Variants in LRRC4C observed in about 807,000 individuals in gnomAD.
LRRC4C encodes leucine-rich repeat-containing protein 4C.
Under a neutral mutation model 33.6 loss-of-function variants are expected in LRRC4C, and 5 were observed. The observed-to-expected ratio is 0.15, with a 90% CI of 0.08 to 0.31. The LOEUF (loss-of-function observed/expected upper bound fraction) is 0.31, where lower values mean the gene tolerates loss of function less well. LRRC4C is among the 10% of genes least tolerant of loss of function. The pLI is 1.00. For missense variants in LRRC4C, 560 were observed against 796.7 expected (o/e 0.70, Z 3.58); for synonymous variants, 329 against 302.0 (o/e 1.09, Z -0.93).
intron 1 of LRRC4C, among the ~76,000 whole-genome samples, chr11:41,072,288 C>T (rs1383837180): frequency 4.8e-3 from 3 of 624 alleles, no homozygotes; most frequent in African/African-American, 5.3e-3. Context: ...ACATTGAAGA[C>T]CCTCCACTGG....
intron 1 of LRRC4C, among the ~76,000 whole-genome samples, chr11:41,226,046 C>A (rs1485672314): frequency 2.0e-5 from 3 of 152,082 alleles, no homozygotes; most frequent in Non-Finnish European, 2.9e-5. Flanking sequence ...TATGTCATTG[C>A]AATAATAGAA....
At chr11:41,083,453 G>A (rs1939726032) in intron 1 of LRRC4C, among the ~76,000 whole-genome samples, 2 of 152,212 alleles carry the variant, frequency 1.3e-5, no homozygotes, top group Non-Finnish European at 2.9e-5. Context: ...TTCTCAGCCC[G>A]CCACATTTCA....
At chr11:40,934,317 T>C (rs533409166) in intron 1 of LRRC4C, among the ~76,000 whole-genome samples, 1 of 152,286 alleles carries the variant, frequency 6.6e-6, no homozygotes, top group South Asian at 2.1e-4. Flanking sequence ...GTTTGTCATA[T>C]TTTATGAGAT....
chr11:40,951,644 GC>G (rs1958695148), intron 1 of LRRC4C, among the ~76,000 whole-genome samples: 2 of 151,872 alleles, frequency 1.3e-5, no homozygotes, highest in African/African-American at 4.8e-5. Flanking sequence ...AATATAATAA[GC>G]ATATGCACCA....
intron 1 of LRRC4C, among the ~76,000 whole-genome samples, chr11:41,390,501 C>G (rs952734598): frequency 6.6e-6 from 1 of 152,000 alleles, no homozygotes; most frequent in Non-Finnish European, 1.5e-5. Context: ...AGCCACATGG[C>G]TTTCTTAAGT....
At position 40,383,918 on chromosome 11, in the gene LRRC4C, C is replaced by T. The variant is rs1311606342; in HGVS notation, c.-269-64197G>A. On this transcript the variant is annotated intron_variant, in intron 3 of 6. Transcript: ENST00000528697. ...CAGGCTCCCTTGCTTATTTTTAATT[C>T]AAATTATTATTATTATTATTATTAT... Among the ~76,000 whole-genome samples, 14 of 78,796 alleles carry T rather than the reference C, an allele frequency of 1.8e-4. No individual in the cohort carries two copies. In the East Asian group the frequency reaches 8.5e-3, roughly 48 times the overall value. The allele number at this position is 78,796 out of a possible 152,430, so 51.7% of individuals were successfully genotyped here.
At chr11:40,870,123 A>C (rs1399449757) in intron 2 of LRRC4C, among the ~76,000 whole-genome samples, 2 of 152,216 alleles carry the variant, frequency 1.3e-5, no homozygotes, top group African/African-American at 2.4e-5. Context: ...TCCAATGTGC[A>C]TAACACCAAA....
chr11:40,607,925 T>G (rs1960794733), intron 3 of LRRC4C, among the ~76,000 whole-genome samples: 1 of 152,044 alleles, frequency 6.6e-6, no homozygotes, highest in African/African-American at 2.4e-5. Flanking sequence ...ACATGCTCCC[T>G]CTAGGGGTGT....
At chr11:40,294,008 A>C (rs1217541025) in intron 4 of LRRC4C, 1 of 152,400 alleles carries the variant, frequency 6.6e-6, no homozygotes, top group Non-Finnish European at 1.5e-5. Context: ...AGCTCTTGCC[A>C]GCCCAGGCTT....
chr11:40,443,547 C>T (rs1350317887), intron 3 of LRRC4C, among the ~76,000 whole-genome samples: 2 of 152,258 alleles, frequency 1.3e-5, no homozygotes, highest in Non-Finnish European at 2.9e-5. Flanking sequence ...GTCAAAAACT[C>T]TCCAAGCATT....
At chr11:40,827,131 G>A (rs926055121) in intron 2 of LRRC4C, among the ~76,000 whole-genome samples, 13 of 151,486 alleles carry the variant, frequency 8.6e-5, no homozygotes, top group Middle Eastern at 3.4e-3. Flanking sequence ...ACAACAACCC[G>A]TTTCCAATAT....
At chr11:40,705,398 G>C (rs140114149) in intron 2 of LRRC4C, among the ~76,000 whole-genome samples, 25 of 151,574 alleles carry the variant, frequency 1.6e-4, no homozygotes, top group African/African-American at 5.8e-4. Flanking sequence ...GATGTTCCCC[G>C]CCCTGTGTCC....
chr11:40,688,533 G>T (rs1945069594), intron 2 of LRRC4C, among the ~76,000 whole-genome samples: 1 of 151,916 alleles, frequency 6.6e-6, no homozygotes. Context: ...CATACACTAG[G>T]AGTCCACAGT....
chr11:40,391,389 T>C (rs1477079835), intron 3 of LRRC4C, among the ~76,000 whole-genome samples: 1 of 152,190 alleles, frequency 6.6e-6, no homozygotes, highest in Non-Finnish European at 1.5e-5. Flanking sequence ...AACATCATAA[T>C]CTCTGTAATA....
intron 3 of LRRC4C, among the ~76,000 whole-genome samples, chr11:40,438,189 C>T (rs140012789): frequency 4.3e-4 from 65 of 152,306 alleles, no homozygotes; most frequent in Non-Finnish European, 7.8e-4. Flanking sequence ...CGGGCCCTTG[C>T]ACTTTATGTT....
At chr11:40,761,420 T>A (rs547412900) in intron 2 of LRRC4C, among the ~76,000 whole-genome samples, 32 of 152,252 alleles carry the variant, frequency 2.1e-4, no homozygotes, top group African/African-American at 7.2e-4. Flanking sequence ...GAGTTTTTCA[T>A]CTTATATGTG....
chr11:40,800,083 A>AGTT (rs1950982672), intron 2 of LRRC4C, among the ~76,000 whole-genome samples: 1 of 152,216 alleles, frequency 6.6e-6, no homozygotes, highest in Non-Finnish European at 1.5e-5. Context: ...GAATTGGACT[A>AGTT]GTTATCTAAT....
chr11:40,937,595 GTGTGTATA>G lies in LRRC4C; in HGVS notation c.-495-3880_-495-3873del, dbSNP rs1186637441. 5.1e-3 allele frequency among the ~76,000 whole-genome samples: 701 copies of G among 138,234 alleles called. 2 individuals are homozygous for G. The highest frequency in any genetic ancestry group is 0.019 in the African/African-American group (653 of 34,208). 90.7% of individuals were successfully genotyped at this position (138,234 alleles called of 152,430 possible). A position where few individuals can be genotyped will look rare whatever the true frequency, so the allele number is the denominator to read the frequency against. ...CTCCAATAATTCACTCTTCTTGAGT[GTGTGTATA>G]TGTGTGTGTGTGTGTGTGTGTGTGT... On this transcript the variant is annotated intron_variant, in intron 1 of 6. Coordinates refer to ENST00000528697, the MANE Select transcript of LRRC4C (RefSeq NM_001258419.2).
intron 4 of LRRC4C, among the ~76,000 whole-genome samples, chr11:40,272,338 A>C (rs1942768522): frequency 1.3e-5 from 2 of 152,168 alleles, no homozygotes; most frequent in South Asian, 4.1e-4. Flanking sequence ...ATCTGAAAAC[A>C]TAATGGGCCC....
Sources: allele counts gnomAD v4.1 joint callset (sites outside exome capture counted in the v4.1 genomes callset), GRCh38; gene constraint gnomAD v4.1.1; transcripts MANE v1.5; gene names NCBI Gene and HGNC (gene_info 2026-07-23, HGNC 2026-07-21).